UBR3: variants seen among roughly 807,000 people sequenced by gnomAD.
The protein encoded by UBR3 is E3 ubiquitin-protein ligase UBR3.
Under a neutral mutation model 243.2 loss-of-function variants are expected in UBR3, and 85 were observed. That is an observed-to-expected ratio of 0.35 (90% confidence interval 0.29 to 0.42). The LOEUF (loss-of-function observed/expected upper bound fraction) is 0.42, where lower values mean the gene tolerates loss of function less well. Ranked by LOEUF, UBR3 falls within the 10% of genes least tolerant of loss-of-function variation. UBR3 has a pLI of 1.00. For missense variants in UBR3, 1,686 were observed against 2,300.8 expected (o/e 0.73, Z 5.47); for synonymous variants, 748 against 799.8 (o/e 0.94, Z 1.09).
chr2:169,901,322 T>TA (rs2084812706), intron 8 of UBR3, among the ~76,000 whole-genome samples: 1 of 152,192 alleles, frequency 6.6e-6, no homozygotes, highest in Non-Finnish European at 1.5e-5. Context: ...AATTTTTTTT[T>TA]AGCAGTAAAT....
At chr2:169,866,389 A>G (rs1304614513) in intron 1 of UBR3, among the ~76,000 whole-genome samples, 2 of 150,908 alleles carry the variant, frequency 1.3e-5, no homozygotes, top group African/African-American at 2.4e-5. Flanking sequence ...TTTGAGATGA[A>G]GTCTTGCTCT....
At chr2:169,951,146 C>T (rs1000684833) in intron 23 of UBR3, among the ~76,000 whole-genome samples, 2 of 152,156 alleles carry the variant, frequency 1.3e-5, no homozygotes, top group Non-Finnish European at 2.9e-5. Context: ...AATTTAAGAA[C>T]CTAGGACCTT....
intron 1 of UBR3, among the ~76,000 whole-genome samples, chr2:169,848,785 C>T (rs113798115): frequency 0.066 from 9,852 of 150,106 alleles, 340 homozygotes; most frequent in Non-Finnish European, 0.084. Context: ...TCACTGCAAC[C>T]TCTGCCTCCC....
intron 32 of UBR3, among the ~76,000 whole-genome samples, chr2:170,048,138 G>A (rs1210757875): frequency 6.6e-6 from 1 of 152,144 alleles, no homozygotes; most frequent in African/African-American, 2.4e-5. Context: ...GGCACACTGA[G>A]GTGTGAACGA....
chr2:170,014,027 C>G (rs1227261204), intron 29 of UBR3: 2 of 443,398 alleles, frequency 4.5e-6, no homozygotes, highest in African/African-American at 4.1e-5. Flanking sequence ...GTGGAAAATT[C>G]CCTTGTCACA....
chr2:169,980,611 T>G (rs1281053463), intron 24 of UBR3, among the ~76,000 whole-genome samples: 1 of 152,006 alleles, frequency 6.6e-6, no homozygotes, highest in Non-Finnish European at 1.5e-5. Context: ...GCCCAGATCT[T>G]GGTTTCTTTT....
At chr2:169,937,383 G>T (rs928697698) in intron 19 of UBR3, among the ~76,000 whole-genome samples, 1 of 152,172 alleles carries the variant, frequency 6.6e-6, no homozygotes, top group African/African-American at 2.4e-5. Context: ...ATTTGTTTAA[G>T]TTCTTTGTAG....
intron 1 of UBR3, among the ~76,000 whole-genome samples, chr2:169,835,996 T>C (rs35120200): frequency 0.27 from 8,719 of 32,692 alleles, 1,210 homozygotes; most frequent in Non-Finnish European, 0.38. Context: ...GTGCACTGTC[T>C]CTCTCTCTCT....
At chr2:170,068,815 A>C (rs988354525) in intron 35 of UBR3, among the ~76,000 whole-genome samples, 1 of 152,228 alleles carries the variant, frequency 6.6e-6, no homozygotes, top group African/African-American at 2.4e-5. Context: ...TTGAGCCATA[A>C]GAGAATATAT....
intron 35 of UBR3, among the ~76,000 whole-genome samples, chr2:170,070,507 A>G (rs143561796): frequency 8.5e-5 from 13 of 152,286 alleles, no homozygotes; most frequent in African/African-American, 2.4e-4. Flanking sequence ...AGAAAAAGAA[A>G]AAAAGACATC....
intron 1 of UBR3, among the ~76,000 whole-genome samples, chr2:169,833,295 T>C (rs180995838): frequency 6.6e-6 from 1 of 152,304 alleles, no homozygotes; most frequent in Admixed American, 6.5e-5. Context: ...ATTTTAAACA[T>C]TTAGTTCTCA....
At chr2:169,904,186 TTCTGTAATACCTC>T (rs2084929967) in intron 8 of UBR3, among the ~76,000 whole-genome samples, 1 of 152,198 alleles carries the variant, frequency 6.6e-6, no homozygotes, top group Non-Finnish European at 1.5e-5. Context: ...ATGATTCAAT[TTCTGTAATACCTC>T]TCTGTGCTTT....
At chr2:170,017,534 C>G (rs1034425376) in intron 30 of UBR3, among the ~76,000 whole-genome samples, 1 of 44,316 alleles carries the variant, frequency 2.3e-5, no homozygotes, top group African/African-American at 7.5e-5. Context: ...CACACACACA[C>G]ACACACACAC....
chr2:169,872,454 A>G, intron 2 of UBR3, 79 bp downstream of exon 2: 1 of 1,012,160 alleles, frequency 9.9e-7, no homozygotes, highest in Non-Finnish European at 1.4e-6. Flanking sequence ...TATGAGGTGA[A>G]TTTTTTTAGA....
intron 24 of UBR3, among the ~76,000 whole-genome samples, chr2:169,984,158 A>G: frequency 6.6e-6 from 1 of 152,120 alleles, no homozygotes; most frequent in Admixed American, 6.5e-5. Context: ...ATATGTGCAG[A>G]TATTGATGTG....
chr2:169,837,687 C>T (rs772392316), intron 1 of UBR3, among the ~76,000 whole-genome samples: 15 of 152,172 alleles, frequency 9.9e-5, no homozygotes, highest in Non-Finnish European at 1.5e-4. Flanking sequence ...AACTCACTCA[C>T]TATCATGAGA....
intron 14 of UBR3, among the ~76,000 whole-genome samples, chr2:169,926,225 C>G (rs1260154585): frequency 1.3e-5 from 2 of 152,176 alleles, no homozygotes; most frequent in Non-Finnish European, 2.9e-5. Flanking sequence ...TTAACTGGCT[C>G]TGGGAGGGAC....
Position 170,001,516 on chromosome 2 carries a change from A to T in UBR3, c.4029+102A>T, listed in dbSNP as rs2089694841. On this transcript the variant is annotated intron_variant, in intron 27 of 38. Coordinates refer to ENST00000272793, the MANE Select transcript of UBR3 (RefSeq NM_172070.4). ...CAATTCCAGCTCATCTTTTTAGGTG[A>T]TTTTGATCATCGTATAAACTATCCA... 5.9e-6 allele frequency: 4 copies of T among 682,762 alleles called. No individual in the cohort carries two copies. The Admixed American group carries it at 9.8e-5, about 17-fold the overall frequency. The allele number at this position is 682,762 out of a possible 1,614,324, so 42.3% of individuals were successfully genotyped here.
chr2:169,831,915 C>G (rs967506297), intron 1 of UBR3, among the ~76,000 whole-genome samples: 1 of 152,068 alleles, frequency 6.6e-6, no homozygotes, highest in African/African-American at 2.4e-5. Context: ...ATGGTTTAGT[C>G]ACTTTTAGAG....
Sources: gnomAD v4.1 joint callset for allele counts (sites outside exome capture counted in the v4.1 genomes callset) on GRCh38, gnomAD v4.1.1 for gene constraint, MANE v1.5 for transcripts, NCBI Gene and HGNC (gene_info 2026-07-23, HGNC 2026-07-21) for gene names.